Variants in HHIPL1 observed in about 807,000 individuals in gnomAD.
HHIPL1 encodes HHIP-like protein 1.
In HHIPL1, 43 loss-of-function variants were observed where a neutral mutation model predicts 61.8. The observed-to-expected ratio is 0.70, with a 90% confidence interval of 0.55 to 0.90. HHIPL1 has a LOEUF of 0.90. HHIPL1 is among the 40% of genes least tolerant of loss of function. HHIPL1 has a pLI of 0.00. For missense variants in HHIPL1, 1,056 were observed against 1,157.7 expected, an observed-to-expected ratio of 0.91 and a Z score of 1.28; for synonymous variants, 482 against 515.8, an observed-to-expected ratio of 0.93 and a Z score of 0.89.
the HHIPL1 span, chr14:99,625,772 C>T: frequency 6.6e-6 from 1 of 152,192 alleles, no homozygotes; most frequent in Non-Finnish European, 1.5e-5. Context: ...ACACAGCCCC[C>T]CATGCCAGCC....
intron 1 of HHIPL1, among the ~76,000 whole-genome samples, chr14:99,651,191 G>A (rs1325023749): frequency 2.0e-5 from 3 of 152,206 alleles, no homozygotes; most frequent in Non-Finnish European, 4.4e-5. Flanking sequence ...AGACATTGCA[G>A]TGAGCTGAGA....
chr14:99,652,111 C>A lies in HHIPL1; in HGVS notation c.256-113C>A. On this transcript the variant is annotated intron_variant, in intron 1 of 8. Transcript: ENST00000330710. ...TGGTAACAGGCAGATGGCGTTGTCT[C>A]CATTTTATGGATCAGCAGACTGAGG... is the stretch of plus-strand genomic sequence containing the variant. 7.1e-6 allele frequency: 7 copies of A among 982,656 alleles called. No individual in the cohort carries two copies. The South Asian group carries it at 1.1e-4, about 16-fold the overall frequency. 60.9% of individuals were successfully genotyped at this position (982,656 alleles called of 1,614,324 possible).
intron 1 of HHIPL1, among the ~76,000 whole-genome samples, chr14:99,649,454 T>C (rs1186442132): frequency 6.6e-6 from 1 of 152,182 alleles, no homozygotes. Context: ...TTTGGCTACT[T>C]CTTGGCACGT....
the HHIPL1 span, among the ~76,000 whole-genome samples, chr14:99,638,360 G>A: frequency 6.6e-6 from 1 of 152,168 alleles, no homozygotes; most frequent in African/African-American, 2.4e-5. Flanking sequence ...CGGGGAAGAG[G>A]CTGCCCCGAG....
chr14:99,626,318 A>C, the HHIPL1 span, among the ~76,000 whole-genome samples: 1 of 151,234 alleles, frequency 6.6e-6, no homozygotes, highest in Admixed American at 6.6e-5. Flanking sequence ...CGGGGCTCTG[A>C]GACTGCAGGG....
intron 3 of HHIPL1, among the ~76,000 whole-genome samples, chr14:99,659,102 C>T (rs368309536): frequency 1.8e-4 from 27 of 152,286 alleles, no homozygotes; most frequent in South Asian, 6.2e-4. Context: ...AGCTCCGCTG[C>T]CACATCTGTA....
At position 99,678,699 on chromosome 14, in the gene HHIPL1, T is replaced by A. The variant is rs2056413229; in HGVS notation, c.*3073T>A. On this transcript the variant is annotated 3_prime_UTR_variant, in exon 9 of 9. Transcript: ENST00000330710. The stretch of plus-strand genomic sequence containing the variant: ...TAAGGAAGGGGTATAGGCTGTGAGC[T>A]GGGACATGCCTGTGAGCACGTCCAG... 6.6e-6 allele frequency: 1 copy of A among 152,232 alleles called. No individual in the cohort carries two copies. Among genetic ancestry groups the A allele is most frequent in the Admixed American group, 6.5e-5 (1 of 15,284 alleles). 9.4% of individuals were successfully genotyped at this position (152,232 alleles called of 1,614,324 possible).
intron 2 of HHIPL1, among the ~76,000 whole-genome samples, chr14:99,653,516 G>A (rs935660092): frequency 6.6e-6 from 1 of 152,112 alleles, no homozygotes; most frequent in African/African-American, 2.4e-5. Context: ...GTATTTCAGT[G>A]GAGACAGGGT....
chr14:99,644,663 G>A (rs1400156291), upstream of HHIPL1, among the ~76,000 whole-genome samples: 1 of 152,166 alleles, frequency 6.6e-6, no homozygotes, highest in Non-Finnish European at 1.5e-5. Context: ...AGGGCAAAGG[G>A]TGGACTGCGG....
chr14:99,616,248 C>A, the HHIPL1 span, among the ~76,000 whole-genome samples: 1 of 152,206 alleles, frequency 6.6e-6, no homozygotes, highest in African/African-American at 2.4e-5. Context: ...TAGGCTAGAC[C>A]ATCTGGCCTG....
At chr14:99,648,584 G>A (rs1022527695) in intron 1 of HHIPL1, among the ~76,000 whole-genome samples, 9 of 152,208 alleles carry the variant, frequency 5.9e-5, no homozygotes, top group South Asian at 2.1e-4. Flanking sequence ...CCCTGGCGAC[G>A]GAGCAGTGAC....
chr14:99,649,725 G>A (rs1397407538), intron 1 of HHIPL1, among the ~76,000 whole-genome samples: 1 of 152,218 alleles, frequency 6.6e-6, no homozygotes, highest in Admixed American at 6.5e-5. Flanking sequence ...GAGCCCAGGA[G>A]GTCAAGGCTA....
intron 7 of HHIPL1, among the ~76,000 whole-genome samples, chr14:99,671,480 C>T (rs976748281): frequency 2.6e-5 from 4 of 152,152 alleles, no homozygotes; most frequent in East Asian, 3.9e-4. Flanking sequence ...TGTCCCTCTT[C>T]GGCCAAGCCT....
chr14:99,608,297 C>G, the HHIPL1 span, among the ~76,000 whole-genome samples: 1 of 152,120 alleles, frequency 6.6e-6, no homozygotes, highest in South Asian at 2.1e-4. Context: ...ATAATAATGG[C>G]AATGACAATG....
the HHIPL1 span, among the ~76,000 whole-genome samples, chr14:99,631,546 T>C: frequency 6.6e-6 from 1 of 152,112 alleles, no homozygotes; most frequent in Non-Finnish European, 1.5e-5. Context: ...GTGTGGACAC[T>C]GGGTACACAC....
At chr14:99,631,861 T>C in the HHIPL1 span, among the ~76,000 whole-genome samples, 1 of 152,192 alleles carries the variant, frequency 6.6e-6, no homozygotes, top group African/African-American at 2.4e-5. Context: ...GCCTTGACTG[T>C]CCTACTGGCC....
intron 7 of HHIPL1, among the ~76,000 whole-genome samples, chr14:99,671,037 C>T (rs1319959273): frequency 1.3e-5 from 2 of 152,164 alleles, no homozygotes; most frequent in African/African-American, 2.4e-5. Context: ...GGAGTTCTCT[C>T]GCTCACGGTC....
At chr14:99,612,191 G>A in the HHIPL1 span, among the ~76,000 whole-genome samples, 321 of 152,334 alleles carry the variant, frequency 2.1e-3, no homozygotes, top group African/African-American at 7.5e-3. Context: ...AGAGCCGAGC[G>A]ATGGGGAGAG....
chr14:99,660,459 A>G lies in HHIPL1; in HGVS notation c.1502+53A>G. 3 of 1,578,864 alleles carry G rather than the reference A, an allele frequency of 1.9e-6. No individual in the cohort carries two copies. In the South Asian group the frequency reaches 3.5e-5, roughly 18 times the overall value. ...TGGCTGCTGCCACTGGCTCCTTGGG[A>G]CTGGCTCCTTGGTAAAGGGGAGTGT... On this transcript the variant is annotated intron_variant, in intron 5 of 8. Transcript: ENST00000330710. The surrounding 1 kb of genome is among the most constrained non-coding windows in gnomAD (Gnocchi z 4.9).
Sources: allele counts gnomAD v4.1 joint callset (sites outside exome capture counted in the v4.1 genomes callset), GRCh38; gene constraint gnomAD v4.1.1; non-coding constraint Gnocchi (gnomAD v3.1); transcripts MANE v1.5; gene names NCBI Gene and HGNC (gene_info 2026-07-23, HGNC 2026-07-21).